SLC20A2: variants seen among roughly 807,000 people sequenced by gnomAD.
SLC20A2 encodes the protein sodium-dependent phosphate transporter 2.
A neutral mutation model predicts 61.0 loss-of-function variants in SLC20A2; 30 were observed. The ratio of observed to expected loss-of-function variants is 0.49; its 90% CI spans 0.37 to 0.67. The LOEUF is 0.67. Ranked by LOEUF, SLC20A2 falls within the 30% of genes least tolerant of loss-of-function variation. SLC20A2 has a pLI of 0.00. For missense variants in SLC20A2, 626 were observed against 866.4 expected (o/e 0.72, Z 3.48); for synonymous variants, 351 against 353.3 (o/e 0.99, Z 0.07).
Position 42,517,382 on chromosome 8 carries a change from C to A in SLC20A2, c.-265+24439G>T, listed in dbSNP as rs892763163. 2.7e-3 allele frequency among the ~76,000 whole-genome samples: 365 copies of A among 132,860 alleles called. 2 individuals carry two copies. Among genetic ancestry groups the A allele is most frequent in the Admixed American group, 5.0e-3 (66 of 13,288 alleles). The allele number at this position is 132,860 out of a possible 152,430, so 87.2% of individuals were successfully genotyped here. ...AGATCCTGTCTCAAAAAAAAAAAAA[C>A]AATAATAAAATAAATAAATAAGTAA... On this transcript the variant is annotated intron_variant, in intron 1 of 10. Coordinates refer to the SLC20A2 transcript ENST00000342228.
intron 8 of SLC20A2, among the ~76,000 whole-genome samples, chr8:42,432,075 T>C (rs570446995): frequency 7.4e-4 from 113 of 152,350 alleles, no homozygotes; most frequent in Admixed American, 1.2e-3. Flanking sequence ...ATACACTTTG[T>C]AGGGCTAGAG....
At chr8:42,517,867 A>C (rs1422316317) in intron 1 of SLC20A2, among the ~76,000 whole-genome samples, 1 of 152,240 alleles carries the variant, frequency 6.6e-6, no homozygotes, top group Non-Finnish European at 1.5e-5. Context: ...AGAATACTTT[A>C]GGAAAAAAGC....
chr8:42,438,576 C>T (rs1804526921), intron 7 of SLC20A2, among the ~76,000 whole-genome samples: 1 of 152,206 alleles, frequency 6.6e-6, no homozygotes, highest in South Asian at 2.1e-4. Context: ...TCTGAGACTG[C>T]ACCTGTGGTA....
At chr8:42,452,183 T>TAAAG (rs1805770300) in intron 5 of SLC20A2, among the ~76,000 whole-genome samples, 1 of 56,962 alleles carries the variant, frequency 1.8e-5, no homozygotes, top group African/African-American at 7.8e-5. Flanking sequence ...GAGGAAGAGA[T>TAAAG]AGGAGGAGGA....
intron 6 of SLC20A2, among the ~76,000 whole-genome samples, chr8:42,443,756 C>T (rs1804982839): frequency 6.6e-6 from 1 of 152,154 alleles, no homozygotes; most frequent in Non-Finnish European, 1.5e-5. Flanking sequence ...CTTCTCCAAC[C>T]CCCACCCATC....
rs906968860 is a variant in SLC20A2 at position 42,495,124 on chromosome 8, G to A, written c.-265+5907C>T. Among the ~76,000 whole-genome samples, 3 of 152,028 alleles carry A rather than the reference G, an allele frequency of 2.0e-5. No homozygotes were observed. In the East Asian group the frequency reaches 5.8e-4, roughly 29 times the overall value. On this transcript the variant is annotated intron_variant, in intron 1 of 10. Transcript: ENST00000520262. ...CCCACCCTGGCCTCCCAAAGTGCTG[G>A]GATTAAAGCCATGAGCCACTGCGCC...
chr8:42,426,666 G>C (rs1346196361), intron 10 of SLC20A2, among the ~76,000 whole-genome samples: 1 of 152,138 alleles, frequency 6.6e-6, no homozygotes, highest in Non-Finnish European at 1.5e-5. Flanking sequence ...CCGCACTCCA[G>C]CCTGGATGAG....
chr8:42,470,991 GAA>G lies in SLC20A2; in HGVS notation c.289+1109_289+1110del, dbSNP rs1403995583. On this transcript the variant is annotated intron_variant, in intron 2 of 10. Transcript: ENST00000520262. ...TCTGTCTCAAAAAAAAAAAAAAAAAGAAAAGAAAAAATGTAAGTGACAAAATA... is the reference window on the plus strand; with the variant it reads ...TCTGTCTCAAAAAAAAAAAAAAAAAGAAGAAAAAATGTAAGTGACAAAATA... 3 of 294,164 alleles carry G rather than the reference GAA, an allele frequency of 1.0e-5. 1 individual carries two copies. Among genetic ancestry groups the G allele is most frequent in the African/African-American group, 6.9e-5 (3 of 43,716 alleles). 18.2% of individuals were successfully genotyped at this position (294,164 alleles called of 1,614,324 possible).
rs547931533 is a variant in SLC20A2 at position 42,425,695 on chromosome 8, G to A, written c.1794+3063C>T. Among the ~76,000 whole-genome samples the A allele has an allele frequency of 4.9e-4, 74 of 152,278 alleles. No individual in the cohort carries two copies. In the Middle Eastern group the frequency reaches 0.014, roughly 28 times the overall value. ...ACCCTGCTGCAGTCCCATTCAGGGA[G>A]ACCTGCTTTAAGTGCCAAGAAGCTA... On this transcript the variant is annotated intron_variant, in intron 10 of 10. Coordinates refer to ENST00000520262, the MANE Select transcript of SLC20A2 (RefSeq NM_001257180.2).
chr8:42,487,172 CTTTCT>C (rs1271389383), intron 1 of SLC20A2, among the ~76,000 whole-genome samples: 1,253 of 105,380 alleles, frequency 0.012, 21 homozygotes, highest in African/African-American at 0.048. Context: ...GCCATGGTTT[CTTTCT>C]TTTTTTTTTT....
chr8:42,500,332 T>G (rs944492873), intron 1 of SLC20A2, among the ~76,000 whole-genome samples: 1 of 152,226 alleles, frequency 6.6e-6, no homozygotes, highest in African/African-American at 2.4e-5. Flanking sequence ...ATCAAAATCT[T>G]TTGTTTTCTT....
At chr8:42,463,145 T>C (rs929064402) in intron 3 of SLC20A2, 55 bp from the exon 4 acceptor site, 7 of 1,006,056 alleles carry the variant, frequency 7.0e-6, no homozygotes, top group Non-Finnish European at 1.1e-5. Context: ...ATAATTATGG[T>C]CCTATTCATA....
chr8:42,467,336 T>G (rs1167078021), intron 2 of SLC20A2, among the ~76,000 whole-genome samples: 1 of 152,236 alleles, frequency 6.6e-6, no homozygotes. Context: ...TAGGCTACAG[T>G]TCACTTCAAA....
intron 2 of SLC20A2, chr8:42,471,280 A>G: frequency 2.2e-6 from 1 of 454,790 alleles, no homozygotes; most frequent in Admixed American, 2.4e-5. Context: ...TGTCGTAGCG[A>G]GGGCAGTGAT....
intron 1 of SLC20A2, among the ~76,000 whole-genome samples, chr8:42,514,471 C>T (rs984980143): frequency 1.3e-5 from 2 of 152,166 alleles, no homozygotes; most frequent in South Asian, 4.1e-4. Context: ...AAAAAGCCCT[C>T]CCCTGGCTGG....
intron 10 of SLC20A2, chr8:42,419,592 T>C (rs1802909322): frequency 1.1e-5 from 3 of 275,536 alleles, no homozygotes; most frequent in Admixed American, 6.5e-5. Context: ...AATGGTGATT[T>C]ACCAAAGTCC....
intron 10 of SLC20A2, among the ~76,000 whole-genome samples, chr8:42,422,738 C>A (rs1803131421): frequency 6.6e-6 from 1 of 152,058 alleles, no homozygotes; most frequent in Non-Finnish European, 1.5e-5. Context: ...ACTTCTTAGG[C>A]CAATATTTCT....
At chr8:42,533,651 G>GTTCTTTTTTTC (rs1380902729) in intron 1 of SLC20A2, among the ~76,000 whole-genome samples, 3 of 89,736 alleles carry the variant, frequency 3.3e-5, no homozygotes, top group Non-Finnish European at 6.2e-5. Flanking sequence ...ATGATCAACT[G>GTTCTTTTTTTC]TTCTTTTTTT....
At chr8:42,523,068 C>T (rs1343532086) in intron 1 of SLC20A2, among the ~76,000 whole-genome samples, 1 of 152,110 alleles carries the variant, frequency 6.6e-6, no homozygotes, top group Non-Finnish European at 1.5e-5. Context: ...TGTGGTGGCT[C>T]ATGCCTGCAA....
Sources: gnomAD v4.1 joint callset for allele counts (sites outside exome capture counted in the v4.1 genomes callset) on GRCh38, gnomAD v4.1.1 for gene constraint, MANE v1.5 for transcripts, NCBI Gene and HGNC (gene_info 2026-07-23, HGNC 2026-07-21) for gene names.